Variants in SLC15A2 observed in about 807,000 individuals in gnomAD.
SLC15A2 encodes kidney H(+)/peptide cotransporter.
A neutral mutation model predicts 95.5 loss-of-function variants in SLC15A2; 77 were observed. The ratio of observed to expected loss-of-function variants is 0.81; its 90% CI spans 0.67 to 0.97. The LOEUF (loss-of-function observed/expected upper bound fraction) is 0.97, where lower values mean the gene tolerates loss of function less well. SLC15A2 is among the 50% of genes least tolerant of loss of function. SLC15A2 has a pLI of 0.00. For missense variants in SLC15A2, 893 were observed against 874.4 expected, an observed-to-expected ratio of 1.02 and a Z score of -0.27; for synonymous variants, 306 against 306.9, an observed-to-expected ratio of 1.00 and a Z score of 0.03.
At chr3:121,929,239 A>G (rs1012640026) in intron 16 of SLC15A2, 63 bp from the exon 17 acceptor site, 2 of 1,605,096 alleles carry the variant, frequency 1.2e-6, no homozygotes, top group Non-Finnish European at 1.7e-6. Flanking sequence ...CTGATGATCA[A>G]ATTTTCTGAG....
intron 3 of SLC15A2, among the ~76,000 whole-genome samples, chr3:121,909,433 AT>A (rs1490729781): frequency 6.6e-6 from 1 of 152,212 alleles, no homozygotes; most frequent in Non-Finnish European, 1.5e-5. Flanking sequence ...AAATTGAAGG[AT>A]TAGTGAAGTC....
Position 121,915,657 on chromosome 3 carries a change from T to C in SLC15A2, c.661T>C (p.Phe221Leu). 2 of 1,614,084 alleles carry C rather than the reference T, an allele frequency of 1.2e-6. No homozygotes were observed. Among genetic ancestry groups the C allele is most frequent in the East Asian group, 4.5e-5 (2 of 44,864 alleles). ...TGGAGAAGACTGCTATGCATTGGCT[T>C]TTGGAGTTCCAGGACTGCTCATGGT... ...CFGEDCYALA[F>L]GVPGLLMVIA... The change falls in exon 7 of 22, where the codon TTT becomes CTT. Residue 221 changes from phenylalanine to leucine, a missense_variant. Transcript: ENST00000489711.
intron 3 of SLC15A2, among the ~76,000 whole-genome samples, chr3:121,904,585 C>T (rs1709593195): frequency 6.6e-6 from 1 of 152,132 alleles, no homozygotes; most frequent in Admixed American, 6.6e-5. Flanking sequence ...TGTCGAAGGC[C>T]TTTTCTGCAT....
At chr3:121,920,208 G>A (rs1709976754) in intron 7 of SLC15A2, among the ~76,000 whole-genome samples, 2 of 152,190 alleles carry the variant, frequency 1.3e-5, no homozygotes, top group South Asian at 4.1e-4. Context: ...GTGGTGTCCA[G>A]CCTCTTTCTA....
chr3:121,903,067 C>G (rs943197488), intron 3 of SLC15A2, among the ~76,000 whole-genome samples: 2 of 152,220 alleles, frequency 1.3e-5, no homozygotes, highest in African/African-American at 4.8e-5. Context: ...GAGATGGTAT[C>G]TCATTGTGGT....
intron 5 of SLC15A2, 81 bp downstream of exon 5, chr3:121,913,201 G>T: frequency 9.5e-7 from 1 of 1,051,320 alleles, no homozygotes; most frequent in Non-Finnish European, 1.5e-6. Context: ...CATTTGCCAA[G>T]ATTGAAGTAA....
chr3:121,936,966 A>C (rs1488818508), intron 19 of SLC15A2, among the ~76,000 whole-genome samples: 1 of 151,700 alleles, frequency 6.6e-6, no homozygotes, highest in Admixed American at 6.6e-5. Context: ...CCTGGTGGTG[A>C]CAAAATCTCT....
At chr3:121,940,574 C>T (rs771180319) in intron 21 of SLC15A2, 86 bp downstream of exon 21, 39 of 1,099,696 alleles carry the variant, frequency 3.5e-5, no homozygotes, top group Non-Finnish European at 5.2e-5. Context: ...CTCTCTGCTT[C>T]CCACATTCCC....
At chr3:121,912,813 T>C (rs1709797706) in intron 4 of SLC15A2, among the ~76,000 whole-genome samples, 2 of 152,166 alleles carry the variant, frequency 1.3e-5, no homozygotes, top group Non-Finnish European at 2.9e-5. Context: ...TAATGCATAC[T>C]TTCTTGCAGA....
chr3:121,938,139 C>A (rs1441807887), intron 19 of SLC15A2, among the ~76,000 whole-genome samples: 1 of 151,446 alleles, frequency 6.6e-6, no homozygotes, highest in Non-Finnish European at 1.5e-5. Context: ...TCTCCAGCTG[C>A]ATGCTGGGAG....
At chr3:121,920,544 C>A (rs975727586) in intron 7 of SLC15A2, among the ~76,000 whole-genome samples, 4 of 152,166 alleles carry the variant, frequency 2.6e-5, no homozygotes, top group Admixed American at 1.3e-4. Flanking sequence ...AATCCATCCG[C>A]CTTAGCCTTC....
rs764396469 is a variant in SLC15A2, at chr3:121,915,338, C to G, written c.619+21C>G. The G allele has an allele frequency of 2.6e-6, 4 of 1,544,576 alleles. No homozygotes were observed. The East Asian group carries it at 9.0e-5, about 35-fold the overall frequency. The stretch of plus-strand genomic sequence containing the variant: ...GAGAGGTTAGGATTTTTTTGAGGGG[C>G]CCTGTATAAGGCTTTGCTCTGGTCA... On this transcript the variant is annotated intron_variant, in intron 6 of 21. Transcript: ENST00000489711.
chr3:121,896,971 C>T (rs550222378), intron 2 of SLC15A2, among the ~76,000 whole-genome samples: 5 of 148,756 alleles, frequency 3.4e-5, no homozygotes, highest in Admixed American at 6.6e-5. Context: ...CATACCTGTT[C>T]CTCAGGTATG....
rs957627244 is a variant in SLC15A2, at chr3:121,938,462, C to T, written c.1762-887C>T. On this transcript the variant is annotated intron_variant, in intron 19 of 21. Transcript: ENST00000489711. Reference sequence around the variant, plus strand: ...CCCAGCCAGGTGTGGGATATAATCTCGTGGTGCGCCGTTTTTTAAGCCCGT... The same window carrying T: ...CCCAGCCAGGTGTGGGATATAATCTTGTGGTGCGCCGTTTTTTAAGCCCGT... Among the ~76,000 whole-genome samples the T allele has an allele frequency of 5.9e-5, 9 of 152,254 alleles. No homozygotes were observed. In the East Asian group the frequency reaches 1.2e-3, roughly 20 times the overall value.
rs540111577 is a variant in SLC15A2 at position 121,929,059 on chromosome 3, G to A, written c.1419G>A (p.Leu473=). 2.5e-6 allele frequency: 4 copies of A among 1,614,068 alleles called. No homozygotes were observed. The highest frequency in any genetic ancestry group is 2.2e-5 in the East Asian group (1 of 44,870). ...DFHFHLKYHN[L]SLYTEHSVQE... ...ACTTCCACCTGAAATATCACAATTT[G>A]TCTCTCTACACTGAGCATTCTGTGC... The change falls in exon 16 of 22, where the codon TTG becomes TTA. Residue 473 remains leucine, a synonymous_variant. Coordinates refer to ENST00000489711, the MANE Select transcript of SLC15A2 (RefSeq NM_021082.4).
chr3:121,928,675 A>C, intron 15 of SLC15A2, 120 bp downstream of exon 15: 1 of 1,131,500 alleles, frequency 8.8e-7, no homozygotes, highest in Non-Finnish European at 1.3e-6. Flanking sequence ...TGAGCACATG[A>C]TTTTAATGGG....
intron 7 of SLC15A2, among the ~76,000 whole-genome samples, chr3:121,921,189 G>C (rs751616939): frequency 1.8e-4 from 28 of 152,364 alleles, no homozygotes; most frequent in Admixed American, 7.2e-4. Context: ...TTGTATAAAT[G>C]ATGAATAGTG....
At chr3:121,907,292 A>G (rs898082520) in intron 3 of SLC15A2, among the ~76,000 whole-genome samples, 1 of 152,146 alleles carries the variant, frequency 6.6e-6, no homozygotes, top group Non-Finnish European at 1.5e-5. Flanking sequence ...TAATGGGTTC[A>G]AACATTCTCC....
At chr3:121,918,825 T>C (rs1559847251) in intron 7 of SLC15A2, among the ~76,000 whole-genome samples, 1 of 152,202 alleles carries the variant, frequency 6.6e-6, no homozygotes, top group African/African-American at 2.4e-5. Context: ...AGATCAGTTA[T>C]GGTAAATGGT....
Sources: gnomAD v4.1 joint callset for allele counts (sites outside exome capture counted in the v4.1 genomes callset) on GRCh38, gnomAD v4.1.1 for gene constraint, MANE v1.5 for transcripts, NCBI Gene and HGNC (gene_info 2026-07-23, HGNC 2026-07-21) for gene names.